The following GPR143 variants were observed in gnomAD, a reference collection of about 807,000 sequenced individuals.
The protein encoded by GPR143 is G-protein coupled receptor 143.
A neutral mutation model predicts 27.6 loss-of-function variants in GPR143; 8 were observed. The observed-to-expected ratio is 0.29, with a 90% CI of 0.17 to 0.52. GPR143 has a LOEUF of 0.52. Among genes scored for constraint, GPR143 ranks in the 20% least tolerant of loss-of-function variants. The probability of loss-of-function intolerance (pLI) is 0.96; values close to 1 mark genes in which losing one functional copy is unlikely to be tolerated. For synonymous variants in GPR143, 156 were observed against 153.2 expected (o/e 1.02, Z -0.13); for missense variants, 303 against 343.1 (o/e 0.88, Z 0.92).
chrX:9,759,329 T>C lies in GPR143; in HGVS notation c.455+3A>G, dbSNP rs776232889. On this transcript the variant is annotated splice_donor_region_variant and intron_variant, in intron 3 of 8. Transcript: ENST00000467482. ...GCAGAAATCCCATTTCCTCGGTGAA[T>C]ACCTCAGTCCTGCCGATCTCCGGAT... 6.2e-6 allele frequency: 7 copies of C among 1,135,608 alleles called. No homozygotes were observed. The Admixed American group carries it at 1.6e-4, about 26-fold the overall frequency. The allele number at this position is 1,135,608 out of a possible 1,213,427, so 93.6% of individuals were successfully genotyped here. A position where few individuals can be genotyped will look rare whatever the true frequency, so the allele number is the denominator to read the frequency against.
rs187897678 is a variant in GPR143 at position 9,760,829 on chromosome X, A to G, written c.251-3T>C. Reference sequence around the variant, plus strand: ...CACGGTGGACCGGATCACCATACCTAAGAGAGAATTGGATAATACTTTGTA... The same window carrying G: ...CACGGTGGACCGGATCACCATACCTGAGAGAGAATTGGATAATACTTTGTA... On this transcript the variant is annotated splice_polypyrimidine_tract_variant and splice_region_variant and intron_variant, in intron 1 of 8. Coordinates refer to ENST00000467482, the MANE Select transcript of GPR143 (RefSeq NM_000273.3). 5 of 1,022,309 alleles carry G rather than the reference A, an allele frequency of 4.9e-6. No individual in the cohort carries two copies. In the East Asian group the frequency reaches 1.5e-4, roughly 32 times the overall value. The allele number at this position is 1,022,309 out of a possible 1,213,427, so 84.2% of individuals were successfully genotyped here.
At chrX:9,762,504 T>C (rs1327042746) in intron 1 of GPR143, among the ~76,000 whole-genome samples, 1 of 111,919 alleles carries the variant, frequency 8.9e-6, no homozygotes, top group Non-Finnish European at 1.9e-5. Flanking sequence ...AAACACACAC[T>C]GTGCAATACA....
At chrX:9,766,956 T>A (rs2146707001), upstream of GPR143, among the ~76,000 whole-genome samples, 1 of 106,508 alleles carries the variant, frequency 9.4e-6, no homozygotes, top group African/African-American at 3.4e-5. Flanking sequence ...CAGAATTAAG[T>A]TTAAAATTTA....
intron 3 of GPR143, among the ~76,000 whole-genome samples, chrX:9,751,627 T>C (rs1348861134): frequency 1.8e-5 from 2 of 111,804 alleles, no homozygotes; most frequent in African/African-American, 6.5e-5. Context: ...GACATGGGGG[T>C]GGCTGCTAAT....
intron 8 of GPR143, among the ~76,000 whole-genome samples, chrX:9,726,447 C>G (rs1011169546): frequency 9.0e-6 from 1 of 111,693 alleles, no homozygotes; most frequent in African/African-American, 3.3e-5. Context: ...CTCTCAATGC[C>G]CAACTAAATA....
intron 6 of GPR143, among the ~76,000 whole-genome samples, chrX:9,742,661 A>T (rs1353784001): frequency 1.8e-5 from 2 of 112,113 alleles, no homozygotes; most frequent in Non-Finnish European, 3.8e-5. Context: ...TATCCACCTG[A>T]AAGGTTTGGA....
At chrX:9,770,160 C>CAA (rs55901901), upstream of GPR143, among the ~76,000 whole-genome samples, 19 of 26,828 alleles carry the variant, frequency 7.1e-4, no homozygotes, top group South Asian at 7.5e-3. Flanking sequence ...CTCCCCCAGT[C>CAA]AAAAAAAAAA....
intron 3 of GPR143, among the ~76,000 whole-genome samples, chrX:9,755,995 A>G (rs1279863897): frequency 9.0e-6 from 1 of 111,714 alleles, no homozygotes; most frequent in East Asian, 2.8e-4. Flanking sequence ...AGATGGAAGG[A>G]ACAAGCATAA....
At chrX:9,751,333 G>T (rs541516682) in intron 3 of GPR143, among the ~76,000 whole-genome samples, 2 of 112,289 alleles carry the variant, frequency 1.8e-5, no homozygotes, top group Non-Finnish European at 3.8e-5. Flanking sequence ...CCAGCAATGG[G>T]ATTTACCAGC....
At chrX:9,752,919 T>G (rs1208981065) in intron 3 of GPR143, among the ~76,000 whole-genome samples, 2 of 106,206 alleles carry the variant, frequency 1.9e-5, no homozygotes, top group Non-Finnish European at 3.9e-5. Flanking sequence ...GTGGCTGGAG[T>G]GGGGAGGGTG....
chrX:9,773,586 A>T (rs1348897594), intron 1 of GPR143, among the ~76,000 whole-genome samples: 8 of 111,495 alleles, frequency 7.2e-5, no homozygotes, highest in Non-Finnish European at 1.5e-4. Flanking sequence ...AATTTTAGAA[A>T]AATTGCCCTG....
rs2083438870 is a variant in GPR143, at chrX:9,748,659, G to A, written c.463C>T (p.Leu155=). Reference sequence around the variant, plus strand: ...CCCCACGCCATGATGTGATACAGCAGGATGGTGCTAGGGGACAAGCACAAC... The same window carrying A: ...CCCCACGCCATGATGTGATACAGCAAGATGGTGCTAGGGGACAAGCACAAC... ...IRRSAGLSTI[L]LYHIMAWGLA... The change falls in exon 4 of 9, where the codon CTG becomes TTG. Residue 155 remains leucine, a synonymous_variant. Transcript: ENST00000467482. 8.4e-7 allele frequency: 1 copy of A among 1,195,064 alleles called. No homozygotes were observed. The highest frequency in any genetic ancestry group is 2.2e-5 in the Admixed American group (1 of 45,808).
At chrX:9,768,479 C>T (rs1191390770), upstream of GPR143, among the ~76,000 whole-genome samples, 1 of 111,324 alleles carries the variant, frequency 9.0e-6, no homozygotes, top group Non-Finnish European at 1.9e-5. Context: ...TCTGTGGGGT[C>T]CCAAGGGAAG....
At chrX:9,733,052 T>C (rs1175747440) in intron 8 of GPR143, among the ~76,000 whole-genome samples, 4 of 110,145 alleles carry the variant, frequency 3.6e-5, no homozygotes, top group Non-Finnish European at 7.6e-5. Flanking sequence ...CAAGGCATTA[T>C]GGAAAATTCT....
intron 8 of GPR143, among the ~76,000 whole-genome samples, chrX:9,729,329 G>A (rs2146676836): frequency 9.0e-6 from 1 of 111,584 alleles, no homozygotes; most frequent in Admixed American, 9.5e-5. Flanking sequence ...AATAGACTCT[G>A]GGCTGGGATG....
chrX:9,771,874 C>T (rs5933755), intron 1 of GPR143, among the ~76,000 whole-genome samples: 17,003 of 109,199 alleles, frequency 0.16, 1,071 homozygotes, highest in Middle Eastern at 0.2. Context: ...CCACCCCTGG[C>T]TAACTTTGGT....
At chrX:9,736,948 C>T (rs1012710248) in intron 8 of GPR143, among the ~76,000 whole-genome samples, 19 of 111,892 alleles carry the variant, frequency 1.7e-4, no homozygotes, top group Admixed American at 2.9e-4. Context: ...ATCTCCACCC[C>T]ACTCAGCTCC....
intron 4 of GPR143, among the ~76,000 whole-genome samples, chrX:9,746,848 C>G (rs1173816316): frequency 9.3e-6 from 1 of 107,940 alleles, no homozygotes; most frequent in Admixed American, 1.0e-4. Flanking sequence ...AAACTGAAGG[C>G]AAAGGGGAGG....
At chrX:9,754,398 G>T (rs2146695927) in intron 3 of GPR143, among the ~76,000 whole-genome samples, 1 of 111,515 alleles carries the variant, frequency 9.0e-6, no homozygotes, top group Admixed American at 9.5e-5. Flanking sequence ...CAGCAATGTG[G>T]GCCAGGAACC....
Sources: allele counts gnomAD v4.1 joint callset (sites outside exome capture counted in the v4.1 genomes callset), GRCh38; gene constraint gnomAD v4.1.1; transcripts MANE v1.5; gene names NCBI Gene and HGNC (gene_info 2026-07-23, HGNC 2026-07-21).